Variants in ARHGAP42 observed in about 807,000 individuals in gnomAD.
The protein encoded by ARHGAP42 is Rho GTPase activating protein 42, also known as rho GTPase-activating protein 42.
A neutral mutation model predicts 125.0 loss-of-function variants in ARHGAP42; 63 were observed. The ratio of observed to expected loss-of-function variants is 0.50; its 90% CI spans 0.41 to 0.62. The LOEUF (loss-of-function observed/expected upper bound fraction) is 0.62. Among genes scored for constraint, ARHGAP42 ranks in the 20% least tolerant of loss-of-function variants. The pLI is 0.00. For missense variants in ARHGAP42, 766 were observed against 1,024.2 expected, an observed-to-expected ratio of 0.75 and a Z score of 3.44; for synonymous variants, 339 against 351.0, an observed-to-expected ratio of 0.97 and a Z score of 0.38.
chr11:100,890,675 G>A (rs1471009775), intron 4 of ARHGAP42, among the ~76,000 whole-genome samples: 2 of 152,172 alleles, frequency 1.3e-5, no homozygotes, highest in Non-Finnish European at 2.9e-5. Flanking sequence ...TTATAAGGCA[G>A]ATTAATGTTT....
At chr11:100,799,965 T>C (rs1449863897) in intron 3 of ARHGAP42, among the ~76,000 whole-genome samples, 7 of 152,162 alleles carry the variant, frequency 4.6e-5, no homozygotes, top group Admixed American at 4.6e-4. Context: ...CCCAGGAGTT[T>C]GTAGAAATGG....
At chr11:100,853,523 G>C (rs1865254164) in intron 3 of ARHGAP42, among the ~76,000 whole-genome samples, 1 of 152,188 alleles carries the variant, frequency 6.6e-6, no homozygotes, top group Middle Eastern at 3.4e-3. Context: ...CTACCTTTGT[G>C]GTTCAAATAA....
At position 100,992,990 on chromosome 11, in the gene ARHGAP42, G is replaced by A; in HGVS notation, c.*4189G>A. On this transcript the variant is annotated 3_prime_UTR_variant, in exon 24 of 24. Transcript: ENST00000298815. Reference sequence around the variant, plus strand: ...AAATGGAGTCTGTGTGCTTACTGAAGAGTCCCAAAAACCAGAGACCATTTT... The same window carrying A: ...AAATGGAGTCTGTGTGCTTACTGAAAAGTCCCAAAAACCAGAGACCATTTT... The A allele has an allele frequency of 3.1e-6, 1 of 324,596 alleles. No homozygotes were observed. Among genetic ancestry groups the A allele is most frequent in the South Asian group, 8.7e-5 (1 of 11,534 alleles). The allele number at this position is 324,596 out of a possible 1,614,324, so 20.1% of individuals were successfully genotyped here.
chr11:100,748,086 T>G (rs1312124776), intron 1 of ARHGAP42, among the ~76,000 whole-genome samples: 1 of 152,054 alleles, frequency 6.6e-6, no homozygotes, highest in Non-Finnish European at 1.5e-5. Flanking sequence ...GAAGTTAGGA[T>G]AATACATGTT....
At chr11:100,960,083 A>G (rs2135298329) in intron 13 of ARHGAP42, 138 bp downstream of exon 13, 1 of 752,770 alleles carries the variant, frequency 1.3e-6, no homozygotes, top group South Asian at 1.9e-5. Context: ...AAATGTATGT[A>G]TCGGTATACA....
At chr11:100,941,732 A>G (rs1867892369) in intron 8 of ARHGAP42, 52 bp from the exon 9 acceptor site, 1 of 1,157,512 alleles carries the variant, frequency 8.6e-7, no homozygotes, top group Non-Finnish European at 1.2e-6. Context: ...GCAAACTTTG[A>G]TACAAATCAT....
chr11:100,883,248 A>C (rs1866002391), intron 4 of ARHGAP42, among the ~76,000 whole-genome samples: 1 of 152,114 alleles, frequency 6.6e-6, no homozygotes, highest in African/African-American at 2.4e-5. Flanking sequence ...CTTTCAACTG[A>C]GCTATTGAAG....
chr11:100,966,935 T>G (rs944458956), intron 17 of ARHGAP42, among the ~76,000 whole-genome samples: 1 of 152,214 alleles, frequency 6.6e-6, no homozygotes. Flanking sequence ...TGATTAATCC[T>G]TCATTGTTCA....
At chr11:100,936,434 T>C in intron 8 of ARHGAP42, 102 bp downstream of exon 8, 1 of 1,435,812 alleles carries the variant, frequency 7.0e-7, no homozygotes, top group African/African-American at 1.4e-5. Context: ...GACTGAAATT[T>C]CTTATAGCTT....
chr11:100,960,660 A>G (rs1178496349), intron 13 of ARHGAP42, among the ~76,000 whole-genome samples: 4 of 152,116 alleles, frequency 2.6e-5, no homozygotes, highest in Admixed American at 2.0e-4. Flanking sequence ...TTGCTTTTTT[A>G]TATTCAAATA....
In ARHGAP42 at chr11:100,888,054, T is replaced by C. The variant is rs191706887; in HGVS notation, c.385-25398T>C. ...TCAAGCCCTGTACTTTATTTAAAAATTGTTTCATTATTTAAAAGGCTGTTT... is the reference window on the plus strand; with the variant it reads ...TCAAGCCCTGTACTTTATTTAAAAACTGTTTCATTATTTAAAAGGCTGTTT... On this transcript the variant is annotated intron_variant, in intron 4 of 23. Transcript: ENST00000298815. Among the ~76,000 whole-genome samples, 656 of 152,290 alleles carry C rather than the reference T, an allele frequency of 4.3e-3. 4 individuals are homozygous for C. Among genetic ancestry groups the C allele is most frequent in the Non-Finnish European group, 7.7e-3 (526 of 68,016 alleles).
At chr11:100,976,022 C>G (rs1300789388) in intron 19 of ARHGAP42, 35 bp from the exon 20 acceptor site, 2 of 1,463,864 alleles carry the variant, frequency 1.4e-6, no homozygotes, top group Admixed American at 2.7e-5. Flanking sequence ...TAGATAGTTA[C>G]AGTTGCTTTC....
intron 2 of ARHGAP42, among the ~76,000 whole-genome samples, chr11:100,793,784 C>T (rs1863634230): frequency 6.6e-6 from 1 of 152,002 alleles, no homozygotes; most frequent in South Asian, 2.1e-4. Context: ...ACAAATAAGG[C>T]TGTATGGCCC....
chr11:100,903,754 A>C (rs1247058792), intron 4 of ARHGAP42, among the ~76,000 whole-genome samples: 1 of 124,614 alleles, frequency 8.0e-6, no homozygotes, highest in Non-Finnish European at 1.7e-5. Flanking sequence ...ATATATATAT[A>C]TGTATGTAAA....
At chr11:100,763,232 C>T (rs11224436) in intron 1 of ARHGAP42, among the ~76,000 whole-genome samples, 9,350 of 151,988 alleles carry the variant, frequency 0.062, 378 homozygotes, top group East Asian at 0.19. Context: ...CCAACCACCT[C>T]GGCCTCCCAA....
chr11:100,831,177 C>T (rs3858413), intron 3 of ARHGAP42, among the ~76,000 whole-genome samples: 103,011 of 151,908 alleles, frequency 0.68, 35,162 homozygotes, highest in South Asian at 0.74. Context: ...TGTGTGTGAA[C>T]GGGGGCCAGT....
intron 5 of ARHGAP42, among the ~76,000 whole-genome samples, chr11:100,921,152 T>A (rs1388151501): frequency 1.4e-5 from 2 of 146,684 alleles, no homozygotes; most frequent in African/African-American, 5.0e-5. Flanking sequence ...ATTTTATCCA[T>A]CTTTCTATGA....
chr11:100,948,675 T>A, intron 11 of ARHGAP42, 140 bp downstream of exon 11: 1 of 612,874 alleles, frequency 1.6e-6, no homozygotes, highest in African/African-American at 1.9e-5. Flanking sequence ...GAGTAGAGAC[T>A]TTTATGGTTT....
At chr11:100,689,977 T>C (rs771059411) in intron 1 of ARHGAP42, among the ~76,000 whole-genome samples, 1 of 152,110 alleles carries the variant, frequency 6.6e-6, no homozygotes, top group African/African-American at 2.4e-5. Context: ...CAGAAAGGAT[T>C]TGAAGCCTGC....
Sources: allele counts gnomAD v4.1 joint callset (sites outside exome capture counted in the v4.1 genomes callset), GRCh38; gene constraint gnomAD v4.1.1; transcripts MANE v1.5; gene names NCBI Gene and HGNC (gene_info 2026-07-23, HGNC 2026-07-21).